Variants in MED13L observed in about 807,000 individuals in gnomAD.
MED13L encodes mediator complex subunit 13L.
Under a neutral mutation model 220.9 loss-of-function variants are expected in MED13L, and 7 were observed. That is an observed-to-expected ratio of 0.03 (90% CI 0.02 to 0.06). MED13L has a LOEUF of 0.06. Ranked by LOEUF, MED13L falls within the 10% of genes least tolerant of loss-of-function variation. The pLI is 1.00. For synonymous variants in MED13L, 1,011 were observed against 1,015.2 expected (o/e 1.00, Z 0.08); for missense variants, 1,965 against 2,760.5 (o/e 0.71, Z 6.46).
At chr12:115,964,933 T>TA (rs1227107717) in intron 29 of MED13L, among the ~76,000 whole-genome samples, 1 of 152,178 alleles carries the variant, frequency 6.6e-6, no homozygotes, top group Non-Finnish European at 1.5e-5. Context: ...CAGACAGAGC[T>TA]AAAAAAATGT....
rs1190352980 is a variant in MED13L at position 116,008,980 on chromosome 12, T to C, written c.1433A>G (p.Lys478Arg). ...TGGTATTAAGGGTCTCTTTTGCAGC[T>C]TGTCTCCTTTTTCCTGTCTTTCTGC... Reference protein sequence around the residue: ...KTAERQEKGDKLQKRPLIPFH... With the variant: ...KTAERQEKGDRLQKRPLIPFH... The change falls in exon 10 of 31, where the codon AAG (lysine) becomes AGG (arginine). Residue 478 changes from lysine to arginine, a missense_variant. This residue lies in a region of MED13L where 818 missense variants were observed against 1,041.2 expected (regional missense o/e 0.79). Coordinates refer to ENST00000281928, the MANE Select transcript of MED13L (RefSeq NM_015335.5). The C allele has an allele frequency of 1.9e-6, 3 of 1,614,140 alleles. No homozygotes were observed. Among genetic ancestry groups the C allele is most frequent in the Admixed American group, 1.7e-5 (1 of 60,010 alleles).
chr12:116,008,870 A>C lies in MED13L; in HGVS notation c.1543T>G (p.Ser515Ala), dbSNP rs777986630. 2.0e-5 allele frequency: 33 copies of C among 1,613,902 alleles called. No homozygotes were observed. The African/African-American group carries it at 4.0e-4, about 20-fold the overall frequency. ...CTACTGCTAGACACCTCTAAGGAGG[A>C]GTCTATCCCTGCCAACCCTAGTTTC... is the stretch of plus-strand genomic sequence containing the variant. The part of the protein sequence containing the change: ...GQKLGLAGID[S>A]SLEVSSSRKY... The change falls in exon 10 of 31, where the codon TCC (serine) becomes GCC (alanine). Residue 515 changes from serine to alanine, a missense_variant. Ser to Ala is a moderately conservative substitution (Grantham distance 99). Coordinates refer to ENST00000281928, the MANE Select transcript of MED13L (RefSeq NM_015335.5).
chr12:116,043,843 T>C lies in MED13L; in HGVS notation c.480-21242A>G, dbSNP rs544363999. Among the ~76,000 whole-genome samples the C allele has an allele frequency of 1.8e-4, 27 of 152,350 alleles. No individual in the cohort carries two copies. The East Asian group carries it at 5.0e-3, about 28-fold the overall frequency. On this transcript the variant is annotated intron_variant, in intron 4 of 30. Transcript: ENST00000281928. ...GGGAAAAGTAATAGAAAGGCATGTATTTTATTCAAACTGGCATATGTTTGG... is the reference window on the plus strand; with the variant it reads ...GGGAAAAGTAATAGAAAGGCATGTACTTTATTCAAACTGGCATATGTTTGG...
chr12:116,177,478 T>C (rs1880160623), intron 2 of MED13L, among the ~76,000 whole-genome samples: 2 of 152,228 alleles, frequency 1.3e-5, no homozygotes, highest in Non-Finnish European at 1.5e-5. Flanking sequence ...GTCTCCCCAA[T>C]GAAATACTTT....
chr12:115,983,065 G>C, intron 21 of MED13L, 52 bp downstream of exon 21: 1 of 1,574,200 alleles, frequency 6.4e-7, no homozygotes. Flanking sequence ...AGAAGAAGAA[G>C]AGAGAAAGGG....
intron 4 of MED13L, among the ~76,000 whole-genome samples, chr12:116,085,754 TC>T (rs1871617595): frequency 6.8e-6 from 1 of 147,018 alleles, no homozygotes; most frequent in African/African-American, 2.5e-5. Context: ...TTAAAATCAC[TC>T]ACACACACAC....
chr12:115,973,113 C>T (rs1162429761), intron 25 of MED13L, among the ~76,000 whole-genome samples: 1 of 152,118 alleles, frequency 6.6e-6, no homozygotes, highest in African/African-American at 2.4e-5. Flanking sequence ...CCAATGAACC[C>T]CAAACTGAAG....
chr12:116,062,779 C>A (rs111696589), intron 4 of MED13L, among the ~76,000 whole-genome samples: 1 of 152,218 alleles, frequency 6.6e-6, no homozygotes, highest in African/African-American at 2.4e-5. Context: ...GGGAAAACAC[C>A]AAAGTGGCCC....
intron 3 of MED13L, among the ~76,000 whole-genome samples, chr12:116,103,422 T>TCTTTA (rs1412864118): frequency 6.6e-6 from 1 of 152,090 alleles, no homozygotes; most frequent in African/African-American, 2.4e-5. Flanking sequence ...AATCAGCTAA[T>TCTTTA]CTTTATTTTT....
chr12:116,000,380 C>T (rs913440064), intron 14 of MED13L, among the ~76,000 whole-genome samples: 5 of 152,208 alleles, frequency 3.3e-5, no homozygotes, highest in East Asian at 3.8e-4. Flanking sequence ...CTGCCCACAG[C>T]GCTCTGCTTA....
intron 2 of MED13L, among the ~76,000 whole-genome samples, chr12:116,135,254 C>T (rs1876437292): frequency 6.6e-6 from 1 of 152,174 alleles, no homozygotes; most frequent in African/African-American, 2.4e-5. Context: ...CCATCTCATT[C>T]ACTGGAACAC....
intron 2 of MED13L, among the ~76,000 whole-genome samples, chr12:116,198,714 G>A (rs1050345114): frequency 7.0e-6 from 1 of 143,374 alleles, no homozygotes; most frequent in African/African-American, 2.6e-5. Flanking sequence ...GACTAAGAGC[G>A]CCATAAAGAA....
At chr12:116,186,200 AAAC>A (rs1880890795) in intron 2 of MED13L, among the ~76,000 whole-genome samples, 1 of 152,226 alleles carries the variant, frequency 6.6e-6, no homozygotes. Flanking sequence ...TTATTGCATA[AAAC>A]ATCATTTTAT....
At chr12:116,054,064 T>C (rs2137598420) in intron 4 of MED13L, among the ~76,000 whole-genome samples, 1 of 152,332 alleles carries the variant, frequency 6.6e-6, no homozygotes, top group Non-Finnish European at 1.5e-5. Context: ...CCAAGACTTA[T>C]GCAATGATGC....
In MED13L at chr12:115,987,281, G is replaced by A. The variant is rs763847997; in HGVS notation, c.3942C>T (p.Asp1314=). The A allele has an allele frequency of 3.7e-6, 6 of 1,612,764 alleles. No homozygotes were observed. The highest frequency in any genetic ancestry group is 4.2e-6 in the Non-Finnish European group (5 of 1,179,842). The change falls in exon 18 of 31, where the codon GAC becomes GAT. Residue 1314 remains aspartate (D), a synonymous_variant. Transcript: ENST00000281928. ...CATCCTGGGAGGAGAGCATGCTGAT[G>A]TCCAGCACTGGAAGAGAAGTGAGAA... ...VHSWPHSNVL[D]ISMLSSQDVV...
chr12:116,277,257 G>T lies in MED13L; in HGVS notation c.-126C>A, dbSNP rs1254204157. ...GGCCGGGCCGCCGCCGCCGCCGGGGGAGGGCGCGAGGGCCGGCGGGCAGGC... is the reference window on the plus strand; with the variant it reads ...GGCCGGGCCGCCGCCGCCGCCGGGGTAGGGCGCGAGGGCCGGCGGGCAGGC... On this transcript the variant is annotated 5_prime_UTR_variant, in exon 1 of 31. Transcript: ENST00000281928. 4.0e-6 allele frequency: 1 copy of T among 247,114 alleles called. No individual in the cohort carries two copies. The highest frequency in any genetic ancestry group is 6.3e-6 in the Non-Finnish European group (1 of 158,952). The allele number at this position is 247,114 out of a possible 1,614,324, so 15.3% of individuals were successfully genotyped here.
rs34038205 is a variant in MED13L, at chr12:116,199,278, T to C, written c.310+38190A>G. Among the ~76,000 whole-genome samples, 968 of 152,326 alleles carry C rather than the reference T, an allele frequency of 6.4e-3. 21 individuals carry two copies. The highest frequency in any genetic ancestry group is 0.051 in the Admixed American group (784 of 15,300). On this transcript the variant is annotated intron_variant, in intron 2 of 30. Coordinates refer to ENST00000281928, the MANE Select transcript of MED13L (RefSeq NM_015335.5). ...AGTCAGAGAAACACATTTTATTCTA[T>C]GCAGTAAAGCAAGCTTTGATTTTAA...
chr12:116,230,719 C>T (rs1295737942), intron 2 of MED13L, among the ~76,000 whole-genome samples: 2 of 152,118 alleles, frequency 1.3e-5, no homozygotes, highest in African/African-American at 4.8e-5. Context: ...AATCTTATTC[C>T]TGTCAATTTA....
chr12:116,198,225 C>G (rs536987018), intron 2 of MED13L, among the ~76,000 whole-genome samples: 1 of 152,168 alleles, frequency 6.6e-6, no homozygotes, highest in African/African-American at 2.4e-5. Flanking sequence ...TAGGTCTCAA[C>G]TGTACCATCC....
Sources: allele counts gnomAD v4.1 joint callset (sites outside exome capture counted in the v4.1 genomes callset), GRCh38; gene constraint gnomAD v4.1.1; regional missense constraint gnomAD v4.1.1; transcripts MANE v1.5; gene names NCBI Gene and HGNC (gene_info 2026-07-23, HGNC 2026-07-21).